CDIN1: variants seen among roughly 807,000 people sequenced by gnomAD.
The protein encoded by CDIN1 is CDAN1-interacting nuclease 1.
CDIN1 carries 33 observed loss-of-function variants against 45.3 expected under a neutral mutation model. The observed-to-expected ratio is 0.73, with a 90% confidence interval of 0.55 to 0.97. The LOEUF (loss-of-function observed/expected upper bound fraction) is 0.97, where lower values mean the gene tolerates loss of function less well. Among genes scored for constraint, CDIN1 ranks in the 50% least tolerant of loss-of-function variants. CDIN1 has a pLI of 0.00. For missense variants in CDIN1, 303 were observed against 339.4 expected (o/e 0.89, Z 0.84); for synonymous variants, 118 against 124.4 (o/e 0.95, Z 0.34).
chr15:36,636,047 C>T (rs187520826), intron 1 of CDIN1, among the ~76,000 whole-genome samples: 1 of 151,812 alleles, frequency 6.6e-6, no homozygotes, highest in African/African-American at 2.4e-5. Context: ...AAATTATGAT[C>T]GAGCATATTC....
chr15:36,648,473 C>T (rs1169990239), intron 3 of CDIN1: 1 of 131,826 alleles, frequency 7.6e-6, no homozygotes, highest in Non-Finnish European at 1.5e-5. Context: ...CCTCTGTCGC[C>T]CAGGCTGGAG....
chr15:36,607,526 G>A (rs1840243), intron 1 of CDIN1, among the ~76,000 whole-genome samples: 19,383 of 151,930 alleles, frequency 0.13, 1,404 homozygotes, highest in Non-Finnish European at 0.16. Flanking sequence ...TGTTCCACTA[G>A]AAGTGTGCCC....
At chr15:36,583,795 T>C (rs1263812487) in intron 1 of CDIN1, among the ~76,000 whole-genome samples, 1 of 152,160 alleles carries the variant, frequency 6.6e-6, no homozygotes, top group East Asian at 1.9e-4. Context: ...GGCGGGCAGA[T>C]CACGAGGTCA....
At chr15:36,684,249 A>C (rs1310398226) in intron 5 of CDIN1, among the ~76,000 whole-genome samples, 1 of 151,470 alleles carries the variant, frequency 6.6e-6, no homozygotes, top group Non-Finnish European at 1.5e-5. Flanking sequence ...AATACGTCCC[A>C]TCAATACCTA....
chr15:36,756,026 A>G, intron 10 of CDIN1: 1 of 455,960 alleles, frequency 2.2e-6, no homozygotes, highest in Non-Finnish European at 4.4e-6. Context: ...TGCTGAGTCC[A>G]GCAAGGAGAA....
Position 36,697,314 on chromosome 15 carries a change from A to G in CDIN1, c.477-9A>G, listed in dbSNP as rs370084293. ...TGCCTGTGTTACCCCCTTAACTGAA[A>G]CTTCCCAGTGCCATTGGTCATGAGC... is the stretch of plus-strand genomic sequence containing the variant. On this transcript the variant is annotated splice_polypyrimidine_tract_variant and intron_variant, in intron 7 of 10. Coordinates refer to ENST00000566621, the MANE Select transcript of CDIN1 (RefSeq NM_001321759.2). 1.6e-5 allele frequency: 25 copies of G among 1,612,380 alleles called. No individual in the cohort carries two copies. The African/African-American group carries it at 3.2e-4, about 21-fold the overall frequency.
intron 8 of CDIN1, among the ~76,000 whole-genome samples, chr15:36,703,935 A>G (rs1027684704): frequency 6.6e-5 from 10 of 152,244 alleles, no homozygotes; most frequent in Admixed American, 2.0e-4. Context: ...TGACTGTCCA[A>G]TCCACTTGTT....
At chr15:36,609,525 G>C (rs1360340408) in intron 1 of CDIN1, among the ~76,000 whole-genome samples, 3 of 152,200 alleles carry the variant, frequency 2.0e-5, no homozygotes, top group Non-Finnish European at 4.4e-5. Context: ...ACTTTAAAGG[G>C]GGGACCGAGA....
chr15:36,593,720 C>T (rs1004160803), intron 1 of CDIN1, among the ~76,000 whole-genome samples: 6 of 152,072 alleles, frequency 3.9e-5, no homozygotes, highest in African/African-American at 9.7e-5. Flanking sequence ...CCCGCCACCA[C>T]GACCGGCTAA....
At chr15:36,697,172 A>G (rs1237811043) in intron 7 of CDIN1, 151 bp from the exon 8 acceptor site, 4 of 680,688 alleles carry the variant, frequency 5.9e-6, no homozygotes, top group Admixed American at 2.9e-5. Context: ...ATTCTATCCA[A>G]TTATTTAAAT....
At chr15:36,632,402 A>G (rs1234184717) in intron 1 of CDIN1, among the ~76,000 whole-genome samples, 3 of 152,128 alleles carry the variant, frequency 2.0e-5, no homozygotes, top group Non-Finnish European at 4.4e-5. Context: ...TTCTACACTA[A>G]CCAGAGAAGA....
intron 4 of CDIN1, among the ~76,000 whole-genome samples, 165 bp from the exon 5 acceptor site, chr15:36,657,668 A>G (rs1044629625): frequency 2.6e-5 from 4 of 151,966 alleles, no homozygotes; most frequent in Non-Finnish European, 4.4e-5. Flanking sequence ...CATACTTGTT[A>G]TAATTTTATT....
At chr15:36,793,642 C>G (rs182375062) in intron 10 of CDIN1, among the ~76,000 whole-genome samples, 200 of 152,342 alleles carry the variant, frequency 1.3e-3, no homozygotes, top group Admixed American at 2.7e-3. Flanking sequence ...GTTTTCTGTA[C>G]TCAGGCATGA....
chr15:36,594,743 T>C, intron 1 of CDIN1: 1 of 169,316 alleles, frequency 5.9e-6, no homozygotes, highest in Non-Finnish European at 1.2e-5. Context: ...CAGGACAGTG[T>C]GGTGGAGCTT....
intron 10 of CDIN1, among the ~76,000 whole-genome samples, chr15:36,720,163 T>G (rs887330109): frequency 1.3e-5 from 2 of 150,848 alleles, no homozygotes; most frequent in African/African-American, 2.4e-5. Flanking sequence ...TAGTTTGCTC[T>G]TCTTTTTCTA....
intron 9 of CDIN1, 122 bp from the exon 10 acceptor site, chr15:36,709,734 T>C (rs2042989224): frequency 1.5e-6 from 1 of 660,152 alleles, no homozygotes; most frequent in African/African-American, 1.8e-5. Context: ...ATTACATTTA[T>C]AGATGATGGT....
chr15:36,585,555 G>A (rs2037255893), intron 1 of CDIN1, among the ~76,000 whole-genome samples: 1 of 152,138 alleles, frequency 6.6e-6, no homozygotes, highest in Non-Finnish European at 1.5e-5. Context: ...GGAAGTGATG[G>A]TGTGGCCTAC....
At chr15:36,701,102 ATAGATAGATAGATAGGTAGG>A (rs1202656497) in intron 8 of CDIN1, among the ~76,000 whole-genome samples, 24 of 84,858 alleles carry the variant, frequency 2.8e-4, no homozygotes, top group African/African-American at 9.0e-4. Context: ...AGGTAGGTAG[ATAGATAGATAGATAGGTAGG>A]TAGATAGATA....
chr15:36,618,677 C>T, intron 1 of CDIN1: 1 of 807,492 alleles, frequency 1.2e-6, no homozygotes, highest in Admixed American at 1.7e-5. Flanking sequence ...GATGAGCAGA[C>T]AGAATGCACT....
Sources: allele counts gnomAD v4.1 joint callset (sites outside exome capture counted in the v4.1 genomes callset), GRCh38; gene constraint gnomAD v4.1.1; transcripts MANE v1.5; gene names NCBI Gene and HGNC (gene_info 2026-07-23, HGNC 2026-07-21).